LRRC37A2: variants seen among roughly 807,000 people sequenced by gnomAD.
LRRC37A2 encodes the protein leucine-rich repeat-containing protein 37A2.
LRRC37A2 carries 9 observed loss-of-function variants against 68.8 expected under a neutral mutation model. That is an observed-to-expected ratio of 0.13 (90% CI 0.08 to 0.23). The LOEUF (loss-of-function observed/expected upper bound fraction) is 0.23, where lower values mean the gene tolerates loss of function less well. LRRC37A2 is among the 10% of genes least tolerant of loss of function. LRRC37A2 has a pLI of 1.00. For synonymous variants in LRRC37A2, 63 were observed against 367.6 expected (o/e 0.17, Z 9.48); for missense variants, 168 against 950.4 (o/e 0.18, Z 10.82).
the LRRC37A2 span, among the ~76,000 whole-genome samples, chr17:47,000,008 TA>T: frequency 0.019 from 217 of 11,252 alleles, 2 homozygotes; most frequent in Non-Finnish European, 0.031. Flanking sequence ...CAAAATAAAA[TA>T]AAATAAAATA....
At chr17:46,948,377 G>T in the LRRC37A2 span, among the ~76,000 whole-genome samples, 1 of 152,206 alleles carries the variant, frequency 6.6e-6, no homozygotes, top group African/African-American at 2.4e-5. Flanking sequence ...CCTTCATTCA[G>T]CTGGTGTGAT....
the LRRC37A2 span, chr17:46,769,804 G>A: frequency 6.2e-7 from 1 of 1,612,416 alleles, no homozygotes; most frequent in Admixed American, 1.7e-5. Context: ...CCTCGTTGTT[G>A]TGCTTGTTCA....
At chr17:46,823,190 A>T in the LRRC37A2 span, among the ~76,000 whole-genome samples, 1 of 126,796 alleles carries the variant, frequency 7.9e-6, no homozygotes, top group African/African-American at 3.3e-5. Context: ...ATAATATATT[A>T]TATATATTTA....
chr17:46,541,824 T>C (rs1598455408), intron 8 of LRRC37A2, among the ~76,000 whole-genome samples: 1 of 151,116 alleles, frequency 6.6e-6, no homozygotes, highest in African/African-American at 2.5e-5. Context: ...TGTCATTTCA[T>C]AAAAAAGAAC....
the LRRC37A2 span, chr17:47,019,754 G>C: frequency 4.4e-6 from 3 of 676,286 alleles, no homozygotes; most frequent in South Asian, 1.6e-5. Context: ...GGCTCCGCAA[G>C]TGCCTGTGCC....
intron 10 of LRRC37A2, 77 bp from the exon 10 acceptor site, chr17:46,550,338 G>A: frequency 2.5e-6 from 1 of 398,836 alleles, no homozygotes; most frequent in African/African-American, 3.4e-5. Flanking sequence ...GAACCTGTCA[G>A]CTACTCACCT....
the LRRC37A2 span, among the ~76,000 whole-genome samples, chr17:47,009,636 G>A: frequency 1.3e-5 from 2 of 152,228 alleles, no homozygotes; most frequent in African/African-American, 4.8e-5. Context: ...TGAAGCCCCT[G>A]TAGAGTTTTG....
the LRRC37A2 span, among the ~76,000 whole-genome samples, chr17:46,784,384 G>A: frequency 6.6e-6 from 1 of 152,208 alleles, no homozygotes; most frequent in Non-Finnish European, 1.5e-5. Flanking sequence ...AGGGACGGAA[G>A]CTAGAAATCC....
At chr17:46,388,467 T>C in the LRRC37A2 span, among the ~76,000 whole-genome samples, 1 of 43,508 alleles carries the variant, frequency 2.3e-5, no homozygotes, top group African/African-American at 7.2e-5. Context: ...GAGGCTGAGG[T>C]AGGAGAATTG....
At chr17:46,865,258 G>A in the LRRC37A2 span, among the ~76,000 whole-genome samples, 3 of 152,218 alleles carry the variant, frequency 2.0e-5, no homozygotes, top group African/African-American at 4.8e-5. Context: ...CTTGCTGTGC[G>A]AGCTGCTCAC....
At chr17:46,837,593 C>T in the LRRC37A2 span, among the ~76,000 whole-genome samples, 2 of 152,150 alleles carry the variant, frequency 1.3e-5, no homozygotes, top group Non-Finnish European at 2.9e-5. Context: ...AGGTCATAGT[C>T]CTAATAAACG....
the LRRC37A2 span, among the ~76,000 whole-genome samples, chr17:46,815,749 C>T: frequency 6.6e-6 from 1 of 152,160 alleles, no homozygotes; most frequent in African/African-American, 2.4e-5. Flanking sequence ...AAGCCTGTGC[C>T]CCTGCCTCTC....
chr17:46,817,842 C>A, the LRRC37A2 span, among the ~76,000 whole-genome samples: 1 of 152,066 alleles, frequency 6.6e-6, no homozygotes, highest in East Asian at 1.9e-4. Context: ...TTCAAGGAAC[C>A]CCCCTTTTGC....
At chr17:46,817,487 T>C in the LRRC37A2 span, among the ~76,000 whole-genome samples, 3 of 152,174 alleles carry the variant, frequency 2.0e-5, no homozygotes, top group Non-Finnish European at 4.4e-5. Flanking sequence ...TTTAGAGAAC[T>C]GGTTTCAGTG....
the LRRC37A2 span, chr17:46,769,658 C>G: frequency 1.5e-6 from 2 of 1,350,818 alleles, no homozygotes; most frequent in South Asian, 2.5e-5. Flanking sequence ...CCAAGCCTGG[C>G]CAAGGGGAAA....
the LRRC37A2 span, among the ~76,000 whole-genome samples, chr17:46,753,491 C>T: frequency 6.6e-6 from 1 of 152,158 alleles, no homozygotes; most frequent in African/African-American, 2.4e-5. Flanking sequence ...CACAGACTAA[C>T]CACTTTGTTT....
the LRRC37A2 span, among the ~76,000 whole-genome samples, chr17:46,405,910 A>G: frequency 6.7e-6 from 1 of 148,304 alleles, no homozygotes; most frequent in African/African-American, 2.5e-5. Flanking sequence ...CTATTGACCA[A>G]AAAGGCTGTT....
At position 46,553,362 on chromosome 17, in the gene LRRC37A2, G is replaced by T. The variant is rs377013669; in HGVS notation, c.4810-38G>T. 873 of 1,609,004 alleles carry T rather than the reference G, an allele frequency of 5.4e-4. 70 individuals are homozygous for T. The African/African-American group carries it at 0.011, about 21-fold the overall frequency. Reference sequence around the variant, plus strand: ...TACAGATTTGGAGACGGTGGTTGTTGTCATAGATAATCTTAATTGCGTTTT... The same window carrying T: ...TACAGATTTGGAGACGGTGGTTGTTTTCATAGATAATCTTAATTGCGTTTT... On this transcript the variant is annotated intron_variant, in intron 11 of 14. Coordinates refer to ENST00000576629, the Ensembl canonical transcript of LRRC37A2.
chr17:46,673,906 TGG>T, the LRRC37A2 span, among the ~76,000 whole-genome samples: 35 of 8,120 alleles, frequency 4.3e-3, 8 homozygotes, highest in East Asian at 0.092. Context: ...TAGTATTCCA[TGG>T]GGGTGTGTGT....
Sources: gnomAD v4.1 joint callset for allele counts (sites outside exome capture counted in the v4.1 genomes callset) on GRCh38, gnomAD v4.1.1 for gene constraint, MANE v1.5 for transcripts, NCBI Gene and HGNC (gene_info 2026-07-23, HGNC 2026-07-21) for gene names.